BTRC: variants seen among roughly 807,000 people sequenced by gnomAD.
BTRC encodes beta-transducin repeat containing E3 ubiquitin protein ligase.
In BTRC, 42 loss-of-function variants were observed where a neutral mutation model predicts 85.5. The observed-to-expected ratio is 0.49, with a 90% CI of 0.38 to 0.64. The LOEUF is 0.64. Ranked by LOEUF, BTRC falls within the 30% of genes least tolerant of loss-of-function variation. The pLI, the probability that BTRC is intolerant of heterozygous loss-of-function variation, is 0.00. For missense variants in BTRC, 594 were observed against 743.5 expected (o/e 0.80, Z 2.34); for synonymous variants, 255 against 263.3 (o/e 0.97, Z 0.30).
At chr10:101,373,317 G>A (rs1471329208) in intron 1 of BTRC, among the ~76,000 whole-genome samples, 2 of 152,212 alleles carry the variant, frequency 1.3e-5, no homozygotes, top group East Asian at 3.9e-4. Context: ...GAGAGGCAGG[G>A]AGGCCATTTA....
At chr10:101,367,089 G>A (rs1333760468) in intron 1 of BTRC, among the ~76,000 whole-genome samples, 1 of 92,110 alleles carries the variant, frequency 1.1e-5, no homozygotes, top group Non-Finnish European at 2.0e-5. Flanking sequence ...TATTTTTTTC[G>A]AGCTAGAGTC....
At chr10:101,438,454 T>G (rs1220303113) in intron 2 of BTRC, among the ~76,000 whole-genome samples, 2 of 138,778 alleles carry the variant, frequency 1.4e-5, no homozygotes, top group Non-Finnish European at 3.1e-5. Context: ...AAAAAAAGTC[T>G]TCTCATTAGC....
intron 12 of BTRC, among the ~76,000 whole-genome samples, chr10:101,537,601 T>G (rs1447962996): frequency 2.6e-5 from 4 of 152,276 alleles, no homozygotes; most frequent in East Asian, 1.9e-4. Flanking sequence ...TGCCTGATTT[T>G]GGCAGCTTTT....
chr10:101,448,433 T>C (rs1303248497), intron 2 of BTRC, among the ~76,000 whole-genome samples: 2 of 152,084 alleles, frequency 1.3e-5, no homozygotes, highest in Non-Finnish European at 2.9e-5. Context: ...TCTGTTTTGG[T>C]TTTATTTTCA....
At chr10:101,475,922 CATATATAT>C (rs71016324) in intron 3 of BTRC, among the ~76,000 whole-genome samples, 7,040 of 67,560 alleles carry the variant, frequency 0.1, 903 homozygotes, top group African/African-American at 0.31. Flanking sequence ...AGTATTTTGC[CATATATAT>C]ATATATATAT....
intron 11 of BTRC, 49 bp from the exon 12 acceptor site, chr10:101,536,494 C>T: frequency 7.1e-7 from 1 of 1,408,480 alleles, no homozygotes; most frequent in Non-Finnish European, 1.0e-6. Context: ...ACATTCCAGG[C>T]TTAGAAAAGA....
chr10:101,475,922 C>CATATAT (rs71016324), intron 3 of BTRC, among the ~76,000 whole-genome samples: 3,057 of 67,374 alleles, frequency 0.045, 201 homozygotes, highest in Middle Eastern at 0.091. Flanking sequence ...AGTATTTTGC[C>CATATAT]ATATATATAT....
intron 1 of BTRC, among the ~76,000 whole-genome samples, chr10:101,362,247 G>C (rs556974975): frequency 6.7e-6 from 1 of 149,458 alleles, no homozygotes; most frequent in East Asian, 2.0e-4. Flanking sequence ...GTGAGCCACC[G>C]TGCCCGGCCT....
Position 101,367,041 on chromosome 10 carries a change from T to A in BTRC, c.48+12813T>A, listed in dbSNP as rs1227536039. Among the ~76,000 whole-genome samples the A allele has an allele frequency of 2.6e-4, 17 of 65,096 alleles. 2 individuals are homozygous for A. The highest frequency in any genetic ancestry group is 6.8e-4 in the South Asian group (2 of 2,924). 42.7% of individuals were successfully genotyped at this position (65,096 alleles called of 152,430 possible). On this transcript the variant is annotated intron_variant, in intron 1 of 14. Coordinates refer to ENST00000370187, the MANE Select transcript of BTRC (RefSeq NM_033637.4). Reference sequence around the variant, plus strand: ...ATTTATATTTATATATTTATATATATAAATATATATATATATAAATATAAA... The same window carrying A: ...ATTTATATTTATATATTTATATATAAAAATATATATATATATAAATATAAA...
chr10:101,515,820 T>C (rs2062016135), intron 4 of BTRC, among the ~76,000 whole-genome samples: 1 of 152,236 alleles, frequency 6.6e-6, no homozygotes, highest in Non-Finnish European at 1.5e-5. Flanking sequence ...CTAAACTTTA[T>C]CAAATTTATT....
At chr10:101,371,592 A>G (rs1039166156) in intron 1 of BTRC, among the ~76,000 whole-genome samples, 8 of 152,210 alleles carry the variant, frequency 5.3e-5, no homozygotes, top group Admixed American at 1.3e-4. Flanking sequence ...GGTTTCATCC[A>G]TGTTCTTCCT....
rs1405496737 is a variant in BTRC at position 101,554,723 on chromosome 10, C to A, written c.*1600C>A. ...TGGACCTCAGCAAGGGTCAGGCAAA[C>A]CCAGTCACTCGGAAGGCAGCTGTGT... On this transcript the variant is annotated 3_prime_UTR_variant, in exon 15 of 15. Coordinates refer to ENST00000370187, the MANE Select transcript of BTRC (RefSeq NM_033637.4). 1.3e-5 allele frequency: 2 copies of A among 152,656 alleles called. No individual in the cohort carries two copies. The highest frequency in any genetic ancestry group is 2.4e-5 in the African/African-American group (1 of 41,444). 9.5% of individuals were successfully genotyped at this position (152,656 alleles called of 1,614,324 possible).
intron 2 of BTRC, among the ~76,000 whole-genome samples, chr10:101,440,444 G>A (rs1944650716): frequency 6.6e-6 from 1 of 152,112 alleles, no homozygotes; most frequent in Admixed American, 6.5e-5. Context: ...TCAATGGCTG[G>A]GCACTGTGGC....
At chr10:101,441,531 T>C (rs1944677316) in intron 2 of BTRC, among the ~76,000 whole-genome samples, 1 of 152,222 alleles carries the variant, frequency 6.6e-6, no homozygotes, top group African/African-American at 2.4e-5. Flanking sequence ...ACTACCATTA[T>C]TGGTGAATCA....
intron 3 of BTRC, among the ~76,000 whole-genome samples, chr10:101,476,037 T>A (rs76535889): frequency 4.7e-5 from 7 of 149,666 alleles, no homozygotes; most frequent in Non-Finnish European, 1.0e-4. Context: ...AAGGCTAACA[T>A]CACCAGAAAT....
intron 1 of BTRC, among the ~76,000 whole-genome samples, chr10:101,402,424 TAATA>T (rs1381444492): frequency 6.6e-6 from 1 of 152,222 alleles, no homozygotes; most frequent in Non-Finnish European, 1.5e-5. Context: ...ATTGCCTACT[TAATA>T]AATAATGAAT....
chr10:101,508,913 TAAAAA>T (rs59998718), intron 4 of BTRC, among the ~76,000 whole-genome samples: 106 of 101,928 alleles, frequency 1.0e-3, no homozygotes, highest in South Asian at 1.7e-3. Flanking sequence ...GACTCCATCT[TAAAAA>T]AAAAAAAAAA....
intron 2 of BTRC, among the ~76,000 whole-genome samples, chr10:101,452,190 G>T (rs1944970196): frequency 6.6e-6 from 1 of 152,184 alleles, no homozygotes; most frequent in South Asian, 2.1e-4. Context: ...AGGTGTAGAA[G>T]ACCAGTGCAC....
chr10:101,366,992 A>T lies in BTRC; in HGVS notation c.48+12764A>T, dbSNP rs373917586. Among the ~76,000 whole-genome samples, 5 of 34,252 alleles carry T rather than the reference A, an allele frequency of 1.5e-4. 1 individual carries two copies. Among genetic ancestry groups the T allele is most frequent in the Admixed American group, 5.4e-4 (1 of 1,840 alleles). The allele number at this position is 34,252 out of a possible 152,430, so 22.5% of individuals were successfully genotyped here. A position where few individuals can be genotyped will look rare whatever the true frequency, so the allele number is the denominator to read the frequency against. ...AATATATATTTATATATTTATATATATTAATATATATATTTATATATATAT... is the reference window on the plus strand; with the variant it reads ...AATATATATTTATATATTTATATATTTTAATATATATATTTATATATATAT... On this transcript the variant is annotated intron_variant, in intron 1 of 14. Transcript: ENST00000370187.
Sources: allele counts gnomAD v4.1 joint callset (sites outside exome capture counted in the v4.1 genomes callset), GRCh38; gene constraint gnomAD v4.1.1; transcripts MANE v1.5; gene names NCBI Gene and HGNC (gene_info 2026-07-23, HGNC 2026-07-21).